EHMT1: variants seen among roughly 807,000 people sequenced by gnomAD.
EHMT1 encodes the protein euchromatic histone lysine methyltransferase 1, also known as histone-lysine N-methyltransferase EHMT1.
In EHMT1, 15 loss-of-function variants were observed where a neutral mutation model predicts 147.2. That is an observed-to-expected ratio of 0.10 (90% CI 0.07 to 0.16). EHMT1 has a LOEUF of 0.16. EHMT1 is among the 10% of genes least tolerant of loss of function. The pLI is 1.00. For missense variants in EHMT1, 1,587 were observed against 1,772.4 expected (o/e 0.90, Z 1.88); for synonymous variants, 795 against 709.6 (o/e 1.12, Z -1.91).
chr9:137,624,309 T>C (rs1204855746), intron 1 of EHMT1, among the ~76,000 whole-genome samples: 1 of 142,360 alleles, frequency 7.0e-6, no homozygotes, highest in East Asian at 2.0e-4. Flanking sequence ...CCCGGCCTCT[T>C]TTTTTTTTTT....
rs770445775 is a variant in EHMT1, at chr9:137,758,037, C to T, written c.1501+26C>T. On this transcript the variant is annotated intron_variant, in intron 9 of 26. Coordinates refer to ENST00000460843, the MANE Select transcript of EHMT1 (RefSeq NM_024757.5). ...GTGAATGTGGTGGTGTAACTTAGAC[C>T]GGGCACCATCTTGGTCCTTTGTCTT... 260 of 1,613,592 alleles carry T rather than the reference C, an allele frequency of 1.6e-4. 1 individual carries two copies. The highest frequency in any genetic ancestry group is 1.9e-4 in the Non-Finnish European group (229 of 1,179,850).
chr9:137,751,137 G>A (rs773339648), intron 6 of EHMT1, among the ~76,000 whole-genome samples: 35 of 152,178 alleles, frequency 2.3e-4, no homozygotes, highest in Non-Finnish European at 3.7e-4. Context: ...AAGATTTAAA[G>A]TGTCAATATA....
At chr9:137,743,788 C>T (rs765581778) in intron 5 of EHMT1, 114 bp from the exon 6 acceptor site, 97 of 1,327,976 alleles carry the variant, frequency 7.3e-5, no homozygotes, top group Middle Eastern at 2.6e-4. Context: ...CGTGTGTCCC[C>T]GCCTCCCCAC....
In EHMT1 at chr9:137,657,498, C is replaced by CT. The variant is rs545345887; in HGVS notation, c.21+38463dup. On this transcript the variant is annotated intron_variant, in intron 1 of 26. Transcript: ENST00000460843. ...AGGTGGGAGCCAGTGCACCTGGTTGCTTTTTTTTTTTTTTAATAAAAATTT... is the reference window on the plus strand; with the variant it reads ...AGGTGGGAGCCAGTGCACCTGGTTGCTTTTTTTTTTTTTTTAATAAAAATTT... 2.6e-3 allele frequency among the ~76,000 whole-genome samples: 327 copies of CT among 126,126 alleles called. 2 individuals carry two copies. Among genetic ancestry groups the CT allele is most frequent in the East Asian group, 5.8e-3 (25 of 4,314 alleles). The allele number at this position is 126,126 out of a possible 152,430, so 82.7% of individuals were successfully genotyped here.
At chr9:137,788,060 C>T in intron 15 of EHMT1, 1 of 1,369,722 alleles carries the variant, frequency 7.3e-7, no homozygotes, top group Middle Eastern at 2.5e-4. Context: ...CTCCCGCTGG[C>T]AAAGTCTCCC....
chr9:137,800,117 T>C lies in EHMT1; in HGVS notation c.2608-763T>C, dbSNP rs548999721. 1.1e-3 allele frequency among the ~76,000 whole-genome samples: 170 copies of C among 152,322 alleles called. 2 individuals carry two copies. The highest frequency in any genetic ancestry group is 9.9e-4 in the Non-Finnish European group (67 of 68,020). ...TTAATCGTGGAGGCTGCTGTGTCTG[T>C]GACATTGGGATGTGCAGGTCCTTTG... On this transcript the variant is annotated intron_variant, in intron 17 of 26. Coordinates refer to ENST00000460843, the MANE Select transcript of EHMT1 (RefSeq NM_024757.5).
At chr9:137,711,073 C>G in intron 2 of EHMT1, 43 bp downstream of exon 2, 1 of 1,550,180 alleles carries the variant, frequency 6.5e-7, no homozygotes, top group Non-Finnish European at 8.7e-7. Context: ...GCGCCTCCCT[C>G]CAGACTAGAA....
chr9:137,793,741 C>T (rs962924545), intron 16 of EHMT1, among the ~76,000 whole-genome samples: 6 of 152,170 alleles, frequency 3.9e-5, no homozygotes, highest in African/African-American at 1.4e-4. Context: ...CTATGAACAG[C>T]ATGGATGGAC....
At chr9:137,791,088 G>T in intron 16 of EHMT1, 118 bp downstream of exon 16, 1 of 1,540,762 alleles carries the variant, frequency 6.5e-7, no homozygotes, top group Non-Finnish European at 8.9e-7. Flanking sequence ...CACTGACCCA[G>T]TTGTCCAGAA....
intron 6 of EHMT1, among the ~76,000 whole-genome samples, chr9:137,744,992 G>A (rs139544919): frequency 6.6e-6 from 1 of 152,354 alleles, no homozygotes; most frequent in African/African-American, 2.4e-5. Flanking sequence ...TCATAAGGAC[G>A]AACAGTGGAA....
intron 1 of EHMT1, among the ~76,000 whole-genome samples, chr9:137,644,815 G>A (rs1400254338): frequency 6.6e-6 from 1 of 152,006 alleles, no homozygotes; most frequent in African/African-American, 2.4e-5. Context: ...TGGTCTTTTG[G>A]TTGTCTCAAT....
intron 18 of EHMT1, among the ~76,000 whole-genome samples, chr9:137,805,046 T>A (rs2137491960): frequency 6.6e-6 from 1 of 151,562 alleles, no homozygotes; most frequent in East Asian, 1.9e-4. Flanking sequence ...CTGTCAGTCG[T>A]CCACATGTGT....
Position 137,776,423 on chromosome 9 carries a change from G to A in EHMT1, c.1792-195G>A. On this transcript the variant is annotated intron_variant, in intron 11 of 26. Coordinates refer to ENST00000460843, the MANE Select transcript of EHMT1 (RefSeq NM_024757.5). This position sits in a 1 kb window ranked among gnomAD's most constrained non-coding sequence, Gnocchi z 4.4. ...TGTCTGGCTTCAGCTTCTTCTCTGT[G>A]GGGCGAGAGCACCACGGGAAGCATC... is the stretch of plus-strand genomic sequence containing the variant. The A allele has an allele frequency of 1.8e-6, 1 of 560,288 alleles. No individual in the cohort carries two copies. The highest frequency in any genetic ancestry group is 3.2e-6 in the Non-Finnish European group (1 of 312,244). 34.7% of individuals were successfully genotyped at this position (560,288 alleles called of 1,614,324 possible).
chr9:137,752,194 C>T (rs1386187032), intron 6 of EHMT1, 137 bp from the exon 7 acceptor site: 2 of 1,063,054 alleles, frequency 1.9e-6, no homozygotes, highest in Admixed American at 2.0e-5. Flanking sequence ...GGCGGCGCCC[C>T]CGCCCCGCGA....
intron 18 of EHMT1, among the ~76,000 whole-genome samples, chr9:137,805,595 T>C (rs985530465): frequency 2.6e-5 from 4 of 152,216 alleles, no homozygotes; most frequent in Admixed American, 1.3e-4. Flanking sequence ...TATTCTCCTA[T>C]ATTTTACACA....
chr9:137,639,947 A>G (rs1318780277), intron 1 of EHMT1, among the ~76,000 whole-genome samples: 2 of 152,070 alleles, frequency 1.3e-5, no homozygotes, highest in African/African-American at 4.8e-5. Flanking sequence ...AACCTTATTT[A>G]TTTAGAGACG....
chr9:137,763,445 C>A (rs73574192), intron 10 of EHMT1: 7,528 of 167,264 alleles, frequency 0.045, 606 homozygotes, highest in African/African-American at 0.17. Flanking sequence ...CTTGTTGGCA[C>A]CAGGCCGAGA....
At chr9:137,706,063 G>A (rs1258594629) in intron 1 of EHMT1, among the ~76,000 whole-genome samples, 1 of 148,942 alleles carries the variant, frequency 6.7e-6, no homozygotes, top group African/African-American at 2.5e-5. Context: ...TGGGGGTGGG[G>A]CGTCAGCAGG....
At chr9:137,703,488 T>C (rs1051939730) in intron 1 of EHMT1, among the ~76,000 whole-genome samples, 1 of 152,222 alleles carries the variant, frequency 6.6e-6, no homozygotes, top group Non-Finnish European at 1.5e-5. Flanking sequence ...TTGACTGCTT[T>C]GCTACTTAGG....
Sources: allele counts gnomAD v4.1 joint callset (sites outside exome capture counted in the v4.1 genomes callset), GRCh38; gene constraint gnomAD v4.1.1; non-coding constraint Gnocchi (gnomAD v3.1); transcripts MANE v1.5; gene names NCBI Gene and HGNC (gene_info 2026-07-23, HGNC 2026-07-21).